PLEKHG1: variants seen among roughly 807,000 people sequenced by gnomAD.
The protein encoded by PLEKHG1 is pleckstrin homology domain-containing family G member 1.
Under a neutral mutation model 100.8 loss-of-function variants are expected in PLEKHG1, and 44 were observed. The observed-to-expected ratio is 0.44, with a 90% CI of 0.34 to 0.56. PLEKHG1 has a LOEUF of 0.56. PLEKHG1 is among the 20% of genes least tolerant of loss of function. The probability of loss-of-function intolerance (pLI) is 0.01; values close to 1 mark genes in which losing one functional copy is unlikely to be tolerated. For missense variants in PLEKHG1, 1,545 were observed against 1,720.9 expected (o/e 0.90, Z 1.81); for synonymous variants, 640 against 662.5 (o/e 0.97, Z 0.52).
At chr6:150,732,096 G>A (rs1782293278) in intron 1 of PLEKHG1, among the ~76,000 whole-genome samples, 1 of 151,706 alleles carries the variant, frequency 6.6e-6, no homozygotes, top group Non-Finnish European at 1.5e-5. Flanking sequence ...CGAGTAGCTG[G>A]GACTACAGGC....
At position 150,627,594 on chromosome 6, in the gene PLEKHG1, A is replaced by G. The variant is rs141451384; in HGVS notation, c.-203-10486A>G. On this transcript the variant is annotated intron_variant, in intron 1 of 3. Transcript: ENST00000367326. Reference sequence around the variant, plus strand: ...CTGGGAAACTGCACTTCTTTTTTTTAACCGTAATCTTAAAAAAAAGTATTT... The same window carrying G: ...CTGGGAAACTGCACTTCTTTTTTTTGACCGTAATCTTAAAAAAAAGTATTT... Among the ~76,000 whole-genome samples the G allele has an allele frequency of 3.3e-4, 51 of 152,258 alleles. 1 individual carries two copies. In the East Asian group the frequency reaches 9.8e-3, roughly 29 times the overall value.
chr6:150,717,547 G>C (rs1285107399), upstream of PLEKHG1, among the ~76,000 whole-genome samples: 2 of 152,274 alleles, frequency 1.3e-5, no homozygotes, highest in Non-Finnish European at 2.9e-5. Context: ...AAGGCCACCT[G>C]CACCTCCTTG....
Position 150,786,373 on chromosome 6 carries a change from T to C in PLEKHG1, c.513-17T>C, listed in dbSNP as rs775335618. The C allele has an allele frequency of 6.4e-7, 1 of 1,563,032 alleles. No homozygotes were observed. ...AGACTACAATCTAATACTTCCTGGC[T>C]GTTATTTTTTTATTAGTGAACTTCT... On this transcript the variant is annotated splice_polypyrimidine_tract_variant and intron_variant, in intron 3 of 15. Transcript: ENST00000358517.
intron 3 of PLEKHG1, among the ~76,000 whole-genome samples, chr6:150,656,384 G>A (rs1778972574): frequency 6.6e-6 from 1 of 152,196 alleles, no homozygotes. Flanking sequence ...CTCTTGGACA[G>A]TCTGTCCTCA....
chr6:150,673,549 A>C (rs955334171), intron 3 of PLEKHG1, among the ~76,000 whole-genome samples: 7 of 152,296 alleles, frequency 4.6e-5, no homozygotes, highest in East Asian at 1.9e-4. Flanking sequence ...CAACTCAGGA[A>C]AGCCAAAGCC....
chr6:150,741,441 G>A (rs1378946886), intron 2 of PLEKHG1, among the ~76,000 whole-genome samples: 1 of 152,126 alleles, frequency 6.6e-6, no homozygotes, highest in African/African-American at 2.4e-5. Context: ...GATTCCCGCA[G>A]CTATAAACAT....
At chr6:150,725,848 A>G (rs1028079346) in intron 1 of PLEKHG1, among the ~76,000 whole-genome samples, 6 of 151,402 alleles carry the variant, frequency 4.0e-5, no homozygotes, top group African/African-American at 1.5e-4. Flanking sequence ...TGTGTATACT[A>G]TAAGATAAGG....
intron 14 of PLEKHG1, among the ~76,000 whole-genome samples, chr6:150,827,234 T>G (rs1776658972): frequency 2.0e-5 from 3 of 151,668 alleles, no homozygotes; most frequent in African/African-American, 7.3e-5. Flanking sequence ...GTTTTCTTAA[T>G]GATTAATTTG....
intron 14 of PLEKHG1, chr6:150,827,916 A>G (rs1776706158): frequency 5.7e-6 from 9 of 1,589,580 alleles, no homozygotes; most frequent in Non-Finnish European, 6.0e-6. Context: ...GTGGAAAGCA[A>G]CTAAACTGAA....
intron 3 of PLEKHG1, among the ~76,000 whole-genome samples, chr6:150,665,694 T>A (rs1779370742): frequency 8.3e-6 from 1 of 120,976 alleles, no homozygotes; most frequent in South Asian, 2.7e-4. Context: ...GCAGGGGGAC[T>A]TTTTTTTTTT....
chr6:150,736,053 A>G (rs1782543596), intron 2 of PLEKHG1, among the ~76,000 whole-genome samples: 1 of 152,236 alleles, frequency 6.6e-6, no homozygotes. Flanking sequence ...TTTTCTAGGC[A>G]GGGCCAGATA....
intron 1 of PLEKHG1, among the ~76,000 whole-genome samples, chr6:150,631,720 C>T (rs1386689109): frequency 1.3e-5 from 2 of 152,206 alleles, no homozygotes; most frequent in African/African-American, 4.8e-5. Context: ...AACCGCTCCC[C>T]ACCTACAGAT....
rs531998724 is a variant in PLEKHG1 at position 150,697,409 on chromosome 6, C to T, written c.-98-36175C>T. On this transcript the variant is annotated intron_variant, in intron 3 of 3. Transcript: ENST00000367326. Reference sequence around the variant, plus strand: ...AGCTTCCTTGGAATTTTTGCAAGGTCGTGGAGCTTAAGGCACTAGCCTTAA... The same window carrying T: ...AGCTTCCTTGGAATTTTTGCAAGGTTGTGGAGCTTAAGGCACTAGCCTTAA... Among the ~76,000 whole-genome samples the T allele has an allele frequency of 5.3e-5, 8 of 152,232 alleles. No homozygotes were observed. In the East Asian group the frequency reaches 5.8e-4, roughly 11 times the overall value.
chr6:150,608,487 G>A (rs573914383), intron 1 of PLEKHG1, among the ~76,000 whole-genome samples: 1 of 152,254 alleles, frequency 6.6e-6, no homozygotes, highest in East Asian at 1.9e-4. Flanking sequence ...TTCTGTACTG[G>A]CTAAAGTCAT....
Position 150,670,085 on chromosome 6 carries a change from A to G in PLEKHG1, c.-99+19299A>G, listed in dbSNP as rs145410203. ...TATTAATTTTTACCCTTGGTCCTCA[A>G]TGAGATAATTGTTTATTTTTCTTCA... On this transcript the variant is annotated intron_variant, in intron 3 of 3. Coordinates refer to the PLEKHG1 transcript ENST00000367326. Among the ~76,000 whole-genome samples, 582 of 152,310 alleles carry G rather than the reference A, an allele frequency of 3.8e-3. 6 individuals carry two copies. The highest frequency in any genetic ancestry group is 0.013 in the African/African-American group (547 of 41,564).
chr6:150,717,703 G>A (rs2128607543), upstream of PLEKHG1, among the ~76,000 whole-genome samples: 1 of 152,334 alleles, frequency 6.6e-6, no homozygotes, highest in South Asian at 2.1e-4. Context: ...AGTAAACAAA[G>A]CTGCTTTCCA....
At chr6:150,758,050 C>T (rs57152918) in intron 2 of PLEKHG1, among the ~76,000 whole-genome samples, 54,571 of 152,028 alleles carry the variant, frequency 0.36, 11,851 homozygotes, top group African/African-American at 0.59. Context: ...ATGGTGTATA[C>T]GTACCACATT....
chr6:150,747,891 C>A (rs1029050565), intron 2 of PLEKHG1, among the ~76,000 whole-genome samples: 68 of 149,970 alleles, frequency 4.5e-4, no homozygotes, highest in African/African-American at 1.6e-3. Flanking sequence ...AGCGAAACTC[C>A]GTCTCAAAAA....
chr6:150,655,831 C>A (rs1418877787), intron 3 of PLEKHG1, among the ~76,000 whole-genome samples: 2 of 151,740 alleles, frequency 1.3e-5, no homozygotes, highest in Non-Finnish European at 2.9e-5. Flanking sequence ...AACCACCATT[C>A]TCACCAAACT....
Sources: gnomAD v4.1 joint callset for allele counts (sites outside exome capture counted in the v4.1 genomes callset) on GRCh38, gnomAD v4.1.1 for gene constraint, MANE v1.5 for transcripts, NCBI Gene and HGNC (gene_info 2026-07-23, HGNC 2026-07-21) for gene names.